Variants in CCDC88A observed in about 807,000 individuals in gnomAD.
CCDC88A encodes the protein coiled-coil and HOOK domain protein 88A, also known as girdin.
A neutral mutation model predicts 234.3 loss-of-function variants in CCDC88A; 54 were observed. The observed-to-expected ratio is 0.23, with a 90% CI of 0.19 to 0.29. The LOEUF (loss-of-function observed/expected upper bound fraction) is 0.29, where lower values mean the gene tolerates loss of function less well. Among genes scored for constraint, CCDC88A ranks in the 10% least tolerant of loss-of-function variants. CCDC88A has a pLI of 1.00. For synonymous variants in CCDC88A, 753 were observed against 737.8 expected (o/e 1.02, Z -0.33); for missense variants, 1,832 against 2,123.4 (o/e 0.86, Z 2.70).
At chr2:55,386,274 G>C (rs1437581125) in intron 3 of CCDC88A, among the ~76,000 whole-genome samples, 2 of 150,518 alleles carry the variant, frequency 1.3e-5, no homozygotes, top group Non-Finnish European at 3.0e-5. Flanking sequence ...AGTACTGACA[G>C]AAAAATAATT....
intron 13 of CCDC88A, chr2:55,339,261 G>A (rs1668175119): frequency 1.9e-6 from 1 of 516,004 alleles, no homozygotes; most frequent in Admixed American, 4.0e-5. Flanking sequence ...ACCTGGCCAA[G>A]ATCAGCTAGT....
chr2:55,396,017 G>A (rs1677477245), intron 2 of CCDC88A, among the ~76,000 whole-genome samples: 1 of 151,972 alleles, frequency 6.6e-6, no homozygotes, highest in South Asian at 2.1e-4. Flanking sequence ...AGAAGTCATA[G>A]TAAAACTGAA....
At position 55,334,328 on chromosome 2, in the gene CCDC88A, C is replaced by A; in HGVS notation, c.2493G>T (p.Lys831Asn). ...TCTTATTTTCCTTCTCCAATTGTTTCTTATCCTTTTCCAGTTGAGAAGTCT... is the reference window on the plus strand; with the variant it reads ...TCTTATTTTCCTTCTCCAATTGTTTATTATCCTTTTCCAGTTGAGAAGTCT... ...EQETSQLEKD[K>N]KQLEKENKRL... Residue 831 changes from lysine to asparagine, a missense_variant, in exon 15 of 33, where the codon AAG becomes AAT. Coordinates refer to ENST00000436346, the MANE Select transcript of CCDC88A (RefSeq NM_001365480.1). The surrounding 1 kb of genome is among the most constrained non-coding windows in gnomAD (Gnocchi z 6.1). 6.6e-7 allele frequency: 1 copy of A among 1,506,772 alleles called. No homozygotes were observed. The allele number at this position is 1,506,772 out of a possible 1,614,324, so 93.3% of individuals were successfully genotyped here.
chr2:55,303,950 C>T (rs78742007), intron 25 of CCDC88A, among the ~76,000 whole-genome samples: 2,310 of 152,228 alleles, frequency 0.015, 24 homozygotes, highest in Middle Eastern at 0.034. Context: ...CATTCCACCA[C>T]AGTATTTTAT....
At chr2:55,357,175 T>C (rs1670690658) in intron 7 of CCDC88A, among the ~76,000 whole-genome samples, 1 of 152,208 alleles carries the variant, frequency 6.6e-6, no homozygotes, top group South Asian at 2.1e-4. Context: ...GATTTCTCCA[T>C]AATCACACAA....
intron 2 of CCDC88A, among the ~76,000 whole-genome samples, chr2:55,391,346 G>A (rs1297664329): frequency 8.3e-6 from 1 of 120,812 alleles, no homozygotes; most frequent in Non-Finnish European, 1.9e-5. Context: ...AAAGGACAAG[G>A]TCCAGACACT....
intron 2 of CCDC88A, among the ~76,000 whole-genome samples, chr2:55,395,933 T>C (rs570699229): frequency 7.2e-4 from 110 of 152,230 alleles, no homozygotes; most frequent in Middle Eastern, 3.4e-3. Context: ...TAGTTACTTA[T>C]AAAAACAAGG....
At chr2:55,305,449 C>T (rs1377631242) in intron 25 of CCDC88A, among the ~76,000 whole-genome samples, 1 of 152,182 alleles carries the variant, frequency 6.6e-6, no homozygotes, top group African/African-American at 2.4e-5. Flanking sequence ...CTGGATGTTT[C>T]AGCAGAGAAT....
At chr2:55,294,711 C>T in intron 31 of CCDC88A, 6 of 991,818 alleles carry the variant, frequency 6.0e-6, no homozygotes, top group Non-Finnish European at 7.2e-6. Flanking sequence ...GCAAATATGA[C>T]TTGGAAATGT....
At chr2:55,291,851 C>G in intron 31 of CCDC88A, 76 bp from the exon 32 acceptor site, 1 of 1,109,888 alleles carries the variant, frequency 9.0e-7, no homozygotes, top group South Asian at 1.3e-5. Context: ...GAAATACACT[C>G]TCACTGAGTA....
rs926825086 is a variant in CCDC88A at position 55,328,208 on chromosome 2, T to C, written c.2997+86A>G. On this transcript the variant is annotated intron_variant, in intron 17 of 32. Transcript: ENST00000436346. This position sits in a 1 kb window ranked among gnomAD's most constrained non-coding sequence, Gnocchi z 4.3. ...AGACTAAATATCAATAAAATGTTTA[T>C]ATTTTTATTTTCTACTTTATATTTT... The C allele has an allele frequency of 7.9e-6, 8 of 1,009,234 alleles. No individual in the cohort carries two copies. The Admixed American group carries it at 1.8e-4, about 23-fold the overall frequency. 62.5% of individuals were successfully genotyped at this position (1,009,234 alleles called of 1,614,324 possible).
chr2:55,344,317 T>A, intron 11 of CCDC88A, 51 bp downstream of exon 11: 1 of 1,352,628 alleles, frequency 7.4e-7, no homozygotes, highest in Non-Finnish European at 1.0e-6. Context: ...CAGCTGAATC[T>A]TAGAAGTTTT....
At chr2:55,293,479 A>G (rs1003673173) in intron 31 of CCDC88A, 5 of 151,158 alleles carry the variant, frequency 3.3e-5, no homozygotes, top group Admixed American at 6.6e-5. Context: ...TCATTTGATT[A>G]CCTGTACCAG....
intron 2 of CCDC88A, among the ~76,000 whole-genome samples, chr2:55,402,928 G>A (rs1349091351): frequency 6.6e-6 from 1 of 151,812 alleles, no homozygotes; most frequent in African/African-American, 2.4e-5. Flanking sequence ...AGAATGGCGT[G>A]AACCCAGGAG....
chr2:55,366,534 TACACACACAC>T (rs201666406), intron 5 of CCDC88A, among the ~76,000 whole-genome samples: 36,676 of 127,584 alleles, frequency 0.29, 4,748 homozygotes, highest in East Asian at 0.55. Flanking sequence ...CACACACACA[TACACACACAC>T]ACACACACAC....
rs148479528 is a variant in CCDC88A at position 55,301,744 on chromosome 2, T to A, written c.4672+128A>T. 1,394 of 774,978 alleles carry A rather than the reference T, an allele frequency of 1.8e-3. 1 individual carries two copies. Among genetic ancestry groups the A allele is most frequent in the Non-Finnish European group, 2.4e-3 (1,122 of 468,656 alleles). The allele number at this position is 774,978 out of a possible 1,614,324, so 48.0% of individuals were successfully genotyped here. ...AAAATGATTTGAAAGTTCCTCCAAATCCAATACAGATCATGTTTTGATAAT... is the reference window on the plus strand; with the variant it reads ...AAAATGATTTGAAAGTTCCTCCAAAACCAATACAGATCATGTTTTGATAAT... On this transcript the variant is annotated intron_variant, in intron 27 of 32. Coordinates refer to ENST00000436346, the MANE Select transcript of CCDC88A (RefSeq NM_001365480.1).
intron 14 of CCDC88A, among the ~76,000 whole-genome samples, chr2:55,336,422 G>A (rs1336866855): frequency 6.6e-6 from 1 of 151,838 alleles, no homozygotes; most frequent in Non-Finnish European, 1.5e-5. Flanking sequence ...ACAGACACTT[G>A]AAAGCACAAG....
At chr2:55,303,842 G>A (rs1681199947) in intron 25 of CCDC88A, among the ~76,000 whole-genome samples, 1 of 152,174 alleles carries the variant, frequency 6.6e-6, no homozygotes, top group African/African-American at 2.4e-5. Context: ...TGATGAAAAT[G>A]TACAAGGCTT....
chr2:55,367,572 A>G (rs550126023), intron 5 of CCDC88A, among the ~76,000 whole-genome samples: 19 of 105,138 alleles, frequency 1.8e-4, no homozygotes, highest in South Asian at 7.1e-4. Context: ...CCAGGCTGGA[A>G]CACAGTGGTT....
Sources: allele counts gnomAD v4.1 joint callset (sites outside exome capture counted in the v4.1 genomes callset), GRCh38; gene constraint gnomAD v4.1.1; non-coding constraint Gnocchi (gnomAD v3.1); transcripts MANE v1.5; gene names NCBI Gene and HGNC (gene_info 2026-07-23, HGNC 2026-07-21).